ANKS1B: variants seen among roughly 807,000 people sequenced by gnomAD.
The protein encoded by ANKS1B is ankyrin repeat and sterile alpha motif domain-containing protein 1B.
ANKS1B carries 36 observed loss-of-function variants against 148.3 expected under a neutral mutation model. The observed-to-expected ratio is 0.24, with a 90% confidence interval of 0.19 to 0.32. The LOEUF (loss-of-function observed/expected upper bound fraction) is 0.32, where lower values mean the gene tolerates loss of function less well. Among genes scored for constraint, ANKS1B ranks in the 10% least tolerant of loss-of-function variants. The pLI is 1.00. For missense variants in ANKS1B, 1,157 were observed against 1,542.6 expected, an observed-to-expected ratio of 0.75 and a Z score of 4.19; for synonymous variants, 542 against 560.8, an observed-to-expected ratio of 0.97 and a Z score of 0.47.
At chr12:99,551,724 T>A (rs192913525) in intron 9 of ANKS1B, among the ~76,000 whole-genome samples, 2 of 152,268 alleles carry the variant, frequency 1.3e-5, no homozygotes, top group Non-Finnish European at 2.9e-5. Flanking sequence ...GCCAATAATC[T>A]TTTTTGAGAC....
intron 9 of ANKS1B, among the ~76,000 whole-genome samples, chr12:99,628,714 A>G (rs1014703445): frequency 3.3e-5 from 5 of 152,138 alleles, no homozygotes; most frequent in Non-Finnish European, 5.9e-5. Context: ...AAGGGGTCCC[A>G]ATCTTGTGAG....
chr12:99,692,835 G>A (rs2053323355), intron 8 of ANKS1B, among the ~76,000 whole-genome samples: 1 of 152,134 alleles, frequency 6.6e-6, no homozygotes, highest in South Asian at 2.1e-4. Flanking sequence ...TTCTACTTCG[G>A]ATAAGTTGTT....
intron 20 of ANKS1B, 128 bp downstream of exon 20, chr12:98,807,716 C>A: frequency 1.6e-6 from 1 of 606,740 alleles, no homozygotes; most frequent in South Asian, 2.8e-5. Context: ...GACAAAGAGT[C>A]TCGGAGTCAC....
Position 99,972,449 on chromosome 12 carries a change from T to C in ANKS1B, c.134+11655A>G, listed in dbSNP as rs151050036. 7.0e-4 allele frequency among the ~76,000 whole-genome samples: 107 copies of C among 152,298 alleles called. No individual in the cohort carries two copies. In the South Asian group the frequency reaches 9.1e-3, roughly 13 times the overall value. On this transcript the variant is annotated intron_variant, in intron 1 of 26. Coordinates refer to ENST00000683438, the MANE Select transcript of ANKS1B (RefSeq NM_001352186.2). ...CCTTATTGCTGATATGGAGAAAGTT[T>C]GAGGGGTCTGGATAGAAGATCATAA...
intron 12 of ANKS1B, among the ~76,000 whole-genome samples, chr12:99,319,884 C>T (rs560343869): frequency 6.6e-6 from 1 of 152,240 alleles, no homozygotes; most frequent in East Asian, 1.9e-4. Flanking sequence ...TAAAGCAGGC[C>T]TAGTGGTGAC....
chr12:99,042,228 G>C (rs149022162), intron 17 of ANKS1B, among the ~76,000 whole-genome samples: 5 of 152,248 alleles, frequency 3.3e-5, no homozygotes, highest in South Asian at 2.1e-4. Flanking sequence ...TTTCCATATA[G>C]CTTCCTTTGG....
chr12:99,866,399 T>C (rs1038509033), intron 1 of ANKS1B, among the ~76,000 whole-genome samples: 1 of 152,158 alleles, frequency 6.6e-6, no homozygotes, highest in Non-Finnish European at 1.5e-5. Flanking sequence ...TTTTGTTTAC[T>C]TTTCCTACCT....
At chr12:99,911,021 T>C (rs2093989561) in intron 1 of ANKS1B, among the ~76,000 whole-genome samples, 1 of 151,178 alleles carries the variant, frequency 6.6e-6, no homozygotes, top group South Asian at 2.1e-4. Flanking sequence ...AGTCTGTTAC[T>C]AACCATTTTA....
chr12:99,047,268 C>T (rs915699045), intron 17 of ANKS1B, among the ~76,000 whole-genome samples: 4 of 152,198 alleles, frequency 2.6e-5, no homozygotes, highest in African/African-American at 9.6e-5. Flanking sequence ...GATGTGGTGT[C>T]GCATGCCTGC....
At chr12:99,036,811 G>T (rs1004517391) in intron 17 of ANKS1B, among the ~76,000 whole-genome samples, 49 of 152,286 alleles carry the variant, frequency 3.2e-4, no homozygotes, top group African/African-American at 1.1e-3. Context: ...ATATGAAAAA[G>T]ATTACATGTT....
chr12:99,842,784 A>T (rs1426609875), intron 1 of ANKS1B, among the ~76,000 whole-genome samples: 2 of 152,234 alleles, frequency 1.3e-5, no homozygotes, highest in African/African-American at 4.8e-5. Context: ...TGTCTTCCTT[A>T]CCTTGCTTTA....
At chr12:98,752,150 T>C (rs1158904407) in intron 25 of ANKS1B, among the ~76,000 whole-genome samples, 2 of 152,328 alleles carry the variant, frequency 1.3e-5, no homozygotes, top group Middle Eastern at 3.4e-3. Context: ...TTCTTACACA[T>C]ACTGATTGAT....
chr12:98,967,128 C>G (rs2099878794), intron 17 of ANKS1B, among the ~76,000 whole-genome samples: 1 of 152,146 alleles, frequency 6.6e-6, no homozygotes, highest in Admixed American at 6.5e-5. Flanking sequence ...CTCAACGTGA[C>G]CAGCTGTTCA....
At chr12:99,591,174 T>C (rs781308999) in intron 9 of ANKS1B, among the ~76,000 whole-genome samples, 17 of 152,230 alleles carry the variant, frequency 1.1e-4, no homozygotes, top group Middle Eastern at 3.4e-3. Flanking sequence ...TTTGTTCCAA[T>C]GACTTTACAG....
At chr12:99,160,382 A>G (rs2153829629) in intron 14 of ANKS1B, among the ~76,000 whole-genome samples, 1 of 151,276 alleles carries the variant, frequency 6.6e-6, no homozygotes, top group East Asian at 2.0e-4. Flanking sequence ...TCTGTCACCC[A>G]CGCTGGAGTG....
intron 17 of ANKS1B, among the ~76,000 whole-genome samples, chr12:98,867,284 C>T (rs1280333191): frequency 6.6e-6 from 1 of 152,144 alleles, no homozygotes; most frequent in Admixed American, 6.5e-5. Flanking sequence ...TCTTCTGGCA[C>T]CTAATCTCTT....
Position 99,053,219 on chromosome 12 carries a change from G to C in ANKS1B, c.2716C>G (p.Leu906Val). 1.2e-6 allele frequency: 2 copies of C among 1,610,702 alleles called. No homozygotes were observed. Among genetic ancestry groups the C allele is most frequent in the East Asian group, 4.5e-5 (2 of 44,806 alleles). The stretch of plus-strand genomic sequence containing the variant: ...TCCATCGAAGTGTAGCCATTAATTA[G>C]AAAGGCTTTGGTGTAGTCGCCCAGT... The part of the protein sequence containing the change: ...IELGDYTKAF[L>V]INGYTSMDLL... The change falls in exon 17 of 27, where the codon CTA becomes GTA. Residue 906 changes from leucine (L) to valine (V), a missense_variant. Leu to Val is a conservative substitution (Grantham distance 32). This residue lies in a region of ANKS1B where 258 missense variants were observed against 497.0 expected (regional missense o/e 0.52). Transcript: ENST00000683438.
chr12:99,727,057 G>A (rs2058687328), intron 8 of ANKS1B, among the ~76,000 whole-genome samples: 1 of 152,132 alleles, frequency 6.6e-6, no homozygotes, highest in South Asian at 2.1e-4. Context: ...AAAGCTGGAA[G>A]CATTCCCTTT....
At chr12:98,788,619 T>C (rs2098819391) in intron 22 of ANKS1B, among the ~76,000 whole-genome samples, 1 of 152,220 alleles carries the variant, frequency 6.6e-6, no homozygotes. Flanking sequence ...GCCATTGTAC[T>C]GCCTGTGTAA....
Sources: allele counts gnomAD v4.1 joint callset (sites outside exome capture counted in the v4.1 genomes callset), GRCh38; gene constraint gnomAD v4.1.1; regional missense constraint gnomAD v4.1.1; transcripts MANE v1.5; gene names NCBI Gene and HGNC (gene_info 2026-07-23, HGNC 2026-07-21).